PIGU: variants seen among roughly 807,000 people sequenced by gnomAD.
The protein encoded by PIGU is phosphatidylinositol glycan anchor biosynthesis class U.
PIGU carries 24 observed loss-of-function variants against 49.9 expected under a neutral mutation model. The observed-to-expected ratio is 0.48, with a 90% confidence interval of 0.35 to 0.68. The LOEUF is 0.68. PIGU is among the 30% of genes least tolerant of loss of function. PIGU has a pLI of 0.01. For synonymous variants in PIGU, 220 were observed against 205.7 expected (o/e 1.07, Z -0.59); for missense variants, 490 against 532.6 (o/e 0.92, Z 0.79).
At chr20:34,609,866 AC>A (rs1192148458) in intron 7 of PIGU, among the ~76,000 whole-genome samples, 1 of 151,982 alleles carries the variant, frequency 6.6e-6, no homozygotes, top group East Asian at 1.9e-4. Context: ...GGGGATGGTT[AC>A]CCCCAATGCT....
At chr20:34,617,383 A>AC in intron 6 of PIGU, among the ~76,000 whole-genome samples, 1 of 152,152 alleles carries the variant, frequency 6.6e-6, no homozygotes, top group East Asian at 1.9e-4. Context: ...GACCATGGGA[A>AC]CCCCCCTCTT....
At chr20:34,564,222 G>A (rs1003892292) in intron 11 of PIGU, among the ~76,000 whole-genome samples, 2 of 152,116 alleles carry the variant, frequency 1.3e-5, no homozygotes, top group Non-Finnish European at 2.9e-5. Context: ...AACGTATCAG[G>A]GTGAGTGTCT....
chr20:34,625,439 T>C (rs1392037874), intron 6 of PIGU, among the ~76,000 whole-genome samples: 4 of 151,336 alleles, frequency 2.6e-5, no homozygotes, highest in Non-Finnish European at 1.5e-5. Flanking sequence ...ACCCATGAAC[T>C]TAATCTACAG....
Position 34,588,567 on chromosome 20 carries a change from C to T in PIGU, c.668G>A (p.Trp223Ter). The T allele has an allele frequency of 6.2e-7, 1 of 1,614,040 alleles. No homozygotes were observed. The highest frequency in any genetic ancestry group is 8.5e-7 in the Non-Finnish European group (1 of 1,179,956). Residue 223 changes from tryptophan (W) to a stop codon, truncating the protein, a stop_gained, in exon 8 of 12, where the codon TGG (tryptophan) becomes TAG (stop). Transcript: ENST00000217446. LOFTEE classifies it high-confidence loss of function. ...IPVKMKSKAF[W>*]IFSWEYAMMY... ...CATGGCATACTCCCAAGAAAAGATCCAGAAGGCTTTGCTCTTCATTTTCAC... is the reference window on the plus strand; with the variant it reads ...CATGGCATACTCCCAAGAAAAGATCTAGAAGGCTTTGCTCTTCATTTTCAC...
intron 5 of PIGU, 103 bp from the exon 6 acceptor site, chr20:34,634,818 G>T: frequency 6.8e-7 from 1 of 1,479,148 alleles, no homozygotes. Context: ...TTACGCAAAG[G>T]AAGGCAGCTT....
At chr20:34,662,447 A>G (rs192691267) in intron 1 of PIGU, among the ~76,000 whole-genome samples, 1 of 146,120 alleles carries the variant, frequency 6.8e-6, no homozygotes, top group Non-Finnish European at 1.5e-5. Context: ...CCAGGCTGGA[A>G]TGCAGTGGCT....
chr20:34,560,709 T>G lies in PIGU; in HGVS notation c.*157A>C, dbSNP rs1426837250. 7 of 520,018 alleles carry G rather than the reference T, an allele frequency of 1.3e-5. No homozygotes were observed. The highest frequency in any genetic ancestry group is 2.3e-5 in the Non-Finnish European group (7 of 302,632). The allele number at this position is 520,018 out of a possible 1,614,324, so 32.2% of individuals were successfully genotyped here. A position where few individuals can be genotyped will look rare whatever the true frequency, so the allele number is the denominator to read the frequency against. ...TCTTCCCCATAGGCCTTGCTGTCAGTCAGCCATGGGTCCCTTTTGGTACCA... is the reference window on the plus strand; with the variant it reads ...TCTTCCCCATAGGCCTTGCTGTCAGGCAGCCATGGGTCCCTTTTGGTACCA... On this transcript the variant is annotated 3_prime_UTR_variant, in exon 12 of 12. Coordinates refer to ENST00000217446, the MANE Select transcript of PIGU (RefSeq NM_080476.5).
At chr20:34,581,824 C>G in intron 9 of PIGU, 152 bp from the exon 10 acceptor site, 1 of 1,085,942 alleles carries the variant, frequency 9.2e-7, no homozygotes, top group South Asian at 1.7e-5. Flanking sequence ...GGCCAGGCCC[C>G]AGTAGCAGAG....
chr20:34,637,833 C>A, intron 5 of PIGU, 43 bp downstream of exon 5: 1 of 1,593,074 alleles, frequency 6.3e-7, no homozygotes, highest in Non-Finnish European at 8.5e-7. Context: ...AGATTTTCCT[C>A]GCATTTGTTG....
rs575223024 is a variant in PIGU at position 34,649,211 on chromosome 20, T to C, written c.196-3877A>G. The stretch of plus-strand genomic sequence containing the variant: ...GTTCAAAATTACATATGTTTTTCTT[T>C]GACCTTCTCCTACTTGGGTTTATAG... On this transcript the variant is annotated intron_variant, in intron 2 of 11. Coordinates refer to ENST00000217446, the MANE Select transcript of PIGU (RefSeq NM_080476.5). 1.4e-3 allele frequency among the ~76,000 whole-genome samples: 217 copies of C among 152,106 alleles called. 1 individual carries two copies. The highest frequency in any genetic ancestry group is 2.1e-3 in the Non-Finnish European group (144 of 67,992).
At chr20:34,616,661 C>T (rs774767573) in intron 6 of PIGU, among the ~76,000 whole-genome samples, 2 of 151,988 alleles carry the variant, frequency 1.3e-5, no homozygotes, top group Non-Finnish European at 2.9e-5. Context: ...TCCTCACTTC[C>T]TATATAAAAT....
At chr20:34,633,643 C>A (rs377571531) in intron 6 of PIGU, among the ~76,000 whole-genome samples, 43 of 151,920 alleles carry the variant, frequency 2.8e-4, no homozygotes, top group Middle Eastern at 3.4e-3. Context: ...TCTCGGCTCA[C>A]TGCAACCTCC....
chr20:34,582,481 A>C (rs1490172815), intron 9 of PIGU, among the ~76,000 whole-genome samples: 1 of 152,038 alleles, frequency 6.6e-6, no homozygotes, highest in African/African-American at 2.4e-5. Context: ...GGAGTTTGAG[A>C]CCAGCCTAGG....
At chr20:34,568,853 C>T (rs979069920) in intron 11 of PIGU, among the ~76,000 whole-genome samples, 6 of 152,168 alleles carry the variant, frequency 3.9e-5, no homozygotes, top group African/African-American at 1.4e-4. Context: ...GGGCTGGCCC[C>T]TCATGGCAAA....
chr20:34,659,408 G>T (rs1356184632), intron 1 of PIGU, among the ~76,000 whole-genome samples: 2 of 129,952 alleles, frequency 1.5e-5, no homozygotes, highest in East Asian at 2.3e-4. Context: ...CCGGCCAGCC[G>T]CCCGGTCCGG....
At chr20:34,660,331 T>C (rs1986893741) in intron 1 of PIGU, among the ~76,000 whole-genome samples, 1 of 152,186 alleles carries the variant, frequency 6.6e-6, no homozygotes, top group Non-Finnish European at 1.5e-5. Context: ...ATGCCTGTAA[T>C]CCCAGCACTT....
intron 5 of PIGU, 67 bp downstream of exon 5, chr20:34,637,809 G>T: frequency 6.3e-7 from 1 of 1,588,588 alleles, no homozygotes; most frequent in South Asian, 1.2e-5. Flanking sequence ...CAAACAACAT[G>T]GGAAAGTCTC....
chr20:34,591,049 T>C (rs1186729672), intron 7 of PIGU, among the ~76,000 whole-genome samples: 3 of 151,150 alleles, frequency 2.0e-5, no homozygotes, highest in African/African-American at 7.3e-5. Context: ...AATATATATA[T>C]ATATGAGACA....
chr20:34,626,325 G>A (rs936517083), intron 6 of PIGU, among the ~76,000 whole-genome samples: 3 of 143,766 alleles, frequency 2.1e-5, no homozygotes, highest in Non-Finnish European at 4.5e-5. Flanking sequence ...TTTTTGAGAC[G>A]GAGCTCCGCT....
Sources: gnomAD v4.1 joint callset for allele counts (sites outside exome capture counted in the v4.1 genomes callset) on GRCh38, gnomAD v4.1.1 for gene constraint, MANE v1.5 for transcripts, NCBI Gene and HGNC (gene_info 2026-07-23, HGNC 2026-07-21) for gene names.